Variants in ARHGAP24 observed in about 807,000 individuals in gnomAD.
ARHGAP24 encodes Rho GTPase activating protein 24.
In ARHGAP24, 50 loss-of-function variants were observed where a neutral mutation model predicts 76.4. The ratio of observed to expected loss-of-function variants is 0.65; its 90% CI spans 0.52 to 0.83. ARHGAP24 has a LOEUF of 0.83. Among genes scored for constraint, ARHGAP24 ranks in the 40% least tolerant of loss-of-function variants. ARHGAP24 has a pLI of 0.00. For missense variants in ARHGAP24, 930 were observed against 914.2 expected (o/e 1.02, Z -0.22); for synonymous variants, 345 against 323.3 (o/e 1.07, Z -0.72).
chr4:85,991,944 T>A (rs1740355272), intron 8 of ARHGAP24: 1 of 388,616 alleles, frequency 2.6e-6, no homozygotes. Flanking sequence ...CCCTAGGTTT[T>A]TTTTAAAGAA....
At chr4:85,553,898 T>C (rs2869356) in intron 1 of ARHGAP24, among the ~76,000 whole-genome samples, 125,248 of 151,996 alleles carry the variant, frequency 0.82, 54,013 homozygotes, top group East Asian at 0.98. Context: ...TTTGTGGTTG[T>C]CTTATATTCT....
intron 3 of ARHGAP24, among the ~76,000 whole-genome samples, chr4:85,787,774 A>C (rs531573968): frequency 6.6e-6 from 1 of 152,272 alleles, no homozygotes; most frequent in Non-Finnish European, 1.5e-5. Context: ...AAGTGCTCCA[A>C]GTTCTGCCAC....
At chr4:85,821,279 A>G (rs547167435) in intron 3 of ARHGAP24, among the ~76,000 whole-genome samples, 5 of 152,314 alleles carry the variant, frequency 3.3e-5, no homozygotes, top group African/African-American at 1.2e-4. Flanking sequence ...AAATTCCTAA[A>G]TTTTGAACAG....
intron 8 of ARHGAP24, among the ~76,000 whole-genome samples, chr4:85,986,375 A>G (rs1739996618): frequency 6.6e-6 from 1 of 152,182 alleles, no homozygotes; most frequent in African/African-American, 2.4e-5. Flanking sequence ...TTCACATTTA[A>G]CAACTAGAAA....
chr4:85,864,613 T>TTTTTTTTAAATCAG (rs1560680752), intron 3 of ARHGAP24, among the ~76,000 whole-genome samples: 1 of 1,186 alleles, frequency 8.4e-4, no homozygotes, highest in Non-Finnish European at 0.17. Flanking sequence ...GAAAATCAGT[T>TTTTTTTTAAATCAG]TTTTTTTTTT....
intron 5 of ARHGAP24, 78 bp from the exon 6 acceptor site, chr4:85,971,958 C>T (rs1739010068): frequency 4.4e-6 from 7 of 1,604,514 alleles, no homozygotes; most frequent in Non-Finnish European, 5.1e-6. Flanking sequence ...AATTCTGACT[C>T]CTGGGCTCTT....
At chr4:85,915,302 T>C (rs999319005) in intron 3 of ARHGAP24, among the ~76,000 whole-genome samples, 1 of 152,232 alleles carries the variant, frequency 6.6e-6, no homozygotes, top group Non-Finnish European at 1.5e-5. Flanking sequence ...CTTAGCCTAT[T>C]TGAGATTTTA....
intron 2 of ARHGAP24, among the ~76,000 whole-genome samples, chr4:85,627,649 C>T (rs1480107157): frequency 1.3e-5 from 2 of 152,212 alleles, no homozygotes; most frequent in African/African-American, 4.8e-5. Flanking sequence ...GTCTTTTTGT[C>T]TGTGCCCTGC....
At chr4:85,679,942 C>T (rs1265238799) in intron 2 of ARHGAP24, among the ~76,000 whole-genome samples, 1 of 152,182 alleles carries the variant, frequency 6.6e-6, no homozygotes, top group African/African-American at 2.4e-5. Flanking sequence ...TACCCAACTG[C>T]ACTTTCTATC....
intron 5 of ARHGAP24, among the ~76,000 whole-genome samples, chr4:85,958,097 G>A (rs1456739948): frequency 6.6e-6 from 1 of 152,296 alleles, no homozygotes; most frequent in East Asian, 1.9e-4. Flanking sequence ...ACGTAGTGTG[G>A]AAGTTAAAAG....
intron 2 of ARHGAP24, among the ~76,000 whole-genome samples, chr4:85,657,502 A>G (rs115878130): frequency 2.3e-3 from 355 of 152,300 alleles, no homozygotes; most frequent in African/African-American, 8.3e-3. Flanking sequence ...AAAATCTTTA[A>G]TATCTAGCCA....
intron 3 of ARHGAP24, among the ~76,000 whole-genome samples, chr4:85,788,695 T>TGG (rs1181284475): frequency 2.0e-5 from 3 of 152,324 alleles, no homozygotes; most frequent in Non-Finnish European, 2.9e-5. Context: ...CAGTGTTATC[T>TGG]TAAGTGACAC....
intron 1 of ARHGAP24, among the ~76,000 whole-genome samples, chr4:85,539,908 G>A (rs79822663): frequency 0.12 from 18,653 of 151,928 alleles, 3,217 homozygotes; most frequent in African/African-American, 0.39. Context: ...AGCTGGGTGT[G>A]GTGGCGGGTT....
At chr4:85,678,626 GA>G (rs1261517192) in intron 2 of ARHGAP24, among the ~76,000 whole-genome samples, 3 of 152,100 alleles carry the variant, frequency 2.0e-5, no homozygotes, top group Admixed American at 6.6e-5. Context: ...CAGTCAGGTT[GA>G]AAAAATGATC....
intron 2 of ARHGAP24, among the ~76,000 whole-genome samples, chr4:85,571,862 A>G (rs969004233): frequency 6.6e-6 from 1 of 152,244 alleles, no homozygotes. Context: ...TGTAATGCAG[A>G]TTACCCAAAG....
intron 3 of ARHGAP24, among the ~76,000 whole-genome samples, chr4:85,758,908 A>G (rs1018086111): frequency 6.6e-6 from 1 of 152,244 alleles, no homozygotes; most frequent in Admixed American, 6.5e-5. Flanking sequence ...AGAAGTTGCT[A>G]TAGTTTTGCT....
chr4:85,478,300 T>C (rs185902956), intron 1 of ARHGAP24, among the ~76,000 whole-genome samples: 93 of 152,350 alleles, frequency 6.1e-4, no homozygotes, highest in African/African-American at 2.2e-3. Context: ...AGCTTAGCCA[T>C]GAAGTTAATG....
chr4:85,604,436 A>G (rs541650833), intron 2 of ARHGAP24: 2 of 152,372 alleles, frequency 1.3e-5, no homozygotes, highest in South Asian at 4.1e-4. Context: ...TAACTTTGGT[A>G]ACCAGCCATA....
chr4:85,767,811 T>C (rs1468732363), intron 3 of ARHGAP24, among the ~76,000 whole-genome samples: 5 of 152,234 alleles, frequency 3.3e-5, no homozygotes, highest in African/African-American at 1.2e-4. Flanking sequence ...TTAAACTCTG[T>C]TACCCTGTTT....
Sources: gnomAD v4.1 joint callset for allele counts (sites outside exome capture counted in the v4.1 genomes callset) on GRCh38, gnomAD v4.1.1 for gene constraint, MANE v1.5 for transcripts, NCBI Gene and HGNC (gene_info 2026-07-23, HGNC 2026-07-21) for gene names.